The following PPFIBP2 variants were observed in gnomAD, a reference collection of about 807,000 sequenced individuals.
PPFIBP2 encodes the protein liprin-beta-2.
PPFIBP2 carries 118 observed loss-of-function variants against 118.3 expected under a neutral mutation model. That is an observed-to-expected ratio of 1.00 (90% confidence interval 0.86 to 1.16). The LOEUF (loss-of-function observed/expected upper bound fraction) is 1.16. PPFIBP2 is among the 50% of genes most tolerant of loss of function. PPFIBP2 has a pLI of 0.00. For synonymous variants in PPFIBP2, 414 were observed against 397.4 expected (o/e 1.04, Z -0.50); for missense variants, 1,195 against 1,073.1 (o/e 1.11, Z -1.59).
intron 7 of PPFIBP2, among the ~76,000 whole-genome samples, chr11:7,624,608 T>G (rs1228371213): frequency 1.3e-5 from 2 of 152,110 alleles, no homozygotes; most frequent in African/African-American, 4.8e-5. Flanking sequence ...AGGAGAAGCC[T>G]TTGCTGTCTT....
At chr11:7,577,131 C>A (rs1028490422) in intron 3 of PPFIBP2, 1 of 159,052 alleles carries the variant, frequency 6.3e-6, no homozygotes, top group Non-Finnish European at 1.4e-5. Context: ...AAGGAATTTT[C>A]TTCAGGACTG....
chr11:7,602,373 T>C (rs74652186), intron 5 of PPFIBP2, among the ~76,000 whole-genome samples: 1,608 of 152,302 alleles, frequency 0.011, 37 homozygotes, highest in African/African-American at 0.037. Context: ...AATCTCTGTA[T>C]CATGGGGAGG....
intron 13 of PPFIBP2, among the ~76,000 whole-genome samples, 161 bp from the exon 14 acceptor site, chr11:7,635,391 A>G (rs547124533): frequency 2.3e-3 from 352 of 152,270 alleles, no homozygotes; most frequent in South Asian, 7.9e-3. Context: ...TTGGACAGGG[A>G]TCTTTCCTGC....
intron 1 of PPFIBP2, among the ~76,000 whole-genome samples, chr11:7,532,168 T>G (rs935290648): frequency 6.6e-6 from 1 of 152,200 alleles, no homozygotes; most frequent in East Asian, 1.9e-4. Context: ...ATGGCTGTCT[T>G]CTCCCTTTGT....
chr11:7,651,394 C>G, intron 22 of PPFIBP2: 1 of 431,736 alleles, frequency 2.3e-6, no homozygotes. Context: ...CAGAGAAGAT[C>G]CTGAGAGACA....
intron 6 of PPFIBP2, 87 bp from the exon 7 acceptor site, chr11:7,620,848 C>A (rs1849263837): frequency 2.2e-6 from 2 of 892,786 alleles, no homozygotes; most frequent in East Asian, 4.8e-5. Context: ...GGTTGCTGCA[C>A]CCCATATGCA....
intron 22 of PPFIBP2, chr11:7,651,225 A>G (rs1239279973): frequency 5.3e-6 from 2 of 376,084 alleles, no homozygotes; most frequent in African/African-American, 4.7e-5. Context: ...ATGGAGACCA[A>G]CGCTTACAAG....
intron 3 of PPFIBP2, among the ~76,000 whole-genome samples, chr11:7,586,335 C>G (rs1253771498): frequency 6.6e-6 from 1 of 152,202 alleles, no homozygotes; most frequent in Admixed American, 6.5e-5. Context: ...TGCCTTCTAA[C>G]TCATGCTTCT....
At chr11:7,552,297 A>G (rs1745854321) in intron 2 of PPFIBP2, among the ~76,000 whole-genome samples, 1 of 152,366 alleles carries the variant, frequency 6.6e-6, no homozygotes. Context: ...TGCCTGGCAC[A>G]TAGTAAGCAC....
At chr11:7,657,924 T>A (rs983958472), downstream of PPFIBP2, among the ~76,000 whole-genome samples, 1 of 152,216 alleles carries the variant, frequency 6.6e-6, no homozygotes, top group East Asian at 1.9e-4. Flanking sequence ...AGTCCTCCAG[T>A]TGCCAAGGAG....
rs761837322 is a variant in PPFIBP2, at chr11:7,641,576, A to G, written c.1473A>G (p.Pro491=). 6 of 1,614,046 alleles carry G rather than the reference A, an allele frequency of 3.7e-6. No individual in the cohort carries two copies. Among genetic ancestry groups the G allele is most frequent in the Non-Finnish European group, 5.1e-6 (6 of 1,179,848 alleles). Residue 491 remains proline, a synonymous_variant, in exon 16 of 24, where the codon CCA becomes CCG. Transcript: ENST00000299492. ...CAGGTCCTCAGTCTCCTCTGACACC[A>G]GATGGTAAACGGAATCCCAAAGGCA... ...TESGPQSPLT[P]DGKRNPKGIK...
intron 5 of PPFIBP2, among the ~76,000 whole-genome samples, chr11:7,609,703 G>A (rs1035681609): frequency 2.0e-5 from 3 of 152,176 alleles, no homozygotes; most frequent in Non-Finnish European, 4.4e-5. Flanking sequence ...TTACATTCCA[G>A]AGTGGCCAGA....
At chr11:7,658,231 G>C (rs1290997187), downstream of PPFIBP2, among the ~76,000 whole-genome samples, 1 of 149,510 alleles carries the variant, frequency 6.7e-6, no homozygotes, top group African/African-American at 2.5e-5. Context: ...GTGCCATGCT[G>C]GTGCACTGCA....
chr11:7,523,950 T>A (rs1434958730), intron 1 of PPFIBP2, among the ~76,000 whole-genome samples: 1 of 152,186 alleles, frequency 6.6e-6, no homozygotes, highest in Non-Finnish European at 1.5e-5. Context: ...AATGCAGCCA[T>A]CACATGCAGC....
At chr11:7,588,421 A>C (rs184355984) in intron 3 of PPFIBP2, among the ~76,000 whole-genome samples, 75 of 152,190 alleles carry the variant, frequency 4.9e-4, no homozygotes, top group African/African-American at 1.7e-3. Flanking sequence ...CAGCTGATAC[A>C]TTTTCCTGAG....
intron 5 of PPFIBP2, chr11:7,605,843 A>C (rs1203888335): frequency 7.1e-7 from 1 of 1,403,486 alleles, no homozygotes; most frequent in East Asian, 2.7e-5. Context: ...AAGCAAACAC[A>C]TTCTGGATAC....
chr11:7,657,699 T>C (rs1277059734), downstream of PPFIBP2, among the ~76,000 whole-genome samples: 1 of 152,054 alleles, frequency 6.6e-6, no homozygotes, highest in Non-Finnish European at 1.5e-5. Context: ...TTTCTCCTAG[T>C]CCCCTTCATG....
intron 17 of PPFIBP2, among the ~76,000 whole-genome samples, chr11:7,643,174 T>C (rs1852465640): frequency 6.6e-6 from 1 of 152,230 alleles, no homozygotes; most frequent in Non-Finnish European, 1.5e-5. Flanking sequence ...GTATATTCAA[T>C]AATTAGATAT....
the PPFIBP2 span, among the ~76,000 whole-genome samples, chr11:7,664,031 A>G: frequency 6.6e-6 from 1 of 152,026 alleles, no homozygotes; most frequent in Non-Finnish European, 1.5e-5. Flanking sequence ...GCACCCACTG[A>G]CCTACACCCA....
Sources: allele counts gnomAD v4.1 joint callset (sites outside exome capture counted in the v4.1 genomes callset), GRCh38; gene constraint gnomAD v4.1.1; transcripts MANE v1.5; gene names NCBI Gene and HGNC (gene_info 2026-07-23, HGNC 2026-07-21).